BBX: variants seen among roughly 807,000 people sequenced by gnomAD.
BBX encodes BBX high mobility group box domain containing.
A neutral mutation model predicts 100.2 loss-of-function variants in BBX; 30 were observed. The observed-to-expected ratio is 0.30, with a 90% CI of 0.22 to 0.41. The LOEUF is 0.41. BBX is among the 10% of genes least tolerant of loss of function. BBX has a pLI of 1.00. For synonymous variants in BBX, 376 were observed against 388.1 expected, an observed-to-expected ratio of 0.97 and a Z score of 0.37; for missense variants, 1,023 against 1,129.8, an observed-to-expected ratio of 0.91 and a Z score of 1.35.
At chr3:107,555,217 C>T (rs1159640241) in intron 2 of BBX, among the ~76,000 whole-genome samples, 1 of 152,162 alleles carries the variant, frequency 6.6e-6, no homozygotes, top group Non-Finnish European at 1.5e-5. Context: ...TCTCTATTTG[C>T]ATGTACTTTT....
chr3:107,728,873 G>A lies in BBX; in HGVS notation c.514G>A (p.Ala172Thr), dbSNP rs779498514. 3 of 1,613,892 alleles carry A rather than the reference G, an allele frequency of 1.9e-6. No individual in the cohort carries two copies. The East Asian group carries it at 6.7e-5, about 36-fold the overall frequency. Reference protein sequence around the residue: ...PTVNPRKKLWAFPSDSSRDLP... With the variant: ...PTVNPRKKLWTFPSDSSRDLP... ...TGTCAATCCACGAAAGAAACTTTGG[G>A]CCTTCCCATCTGACTCTTCAAGAGA... The change falls in exon 6 of 18, where the codon GCC becomes ACC. Residue 172 changes from alanine to threonine, a missense_variant. Ala to Thr is a moderately conservative substitution (Grantham distance 58). This residue lies in a region of BBX where 229 missense variants were observed against 226.3 expected (regional missense o/e 1.01). Transcript: ENST00000325805.
At chr3:107,599,090 C>T (rs932693217) in intron 2 of BBX, among the ~76,000 whole-genome samples, 4 of 152,040 alleles carry the variant, frequency 2.6e-5, no homozygotes, top group Admixed American at 6.5e-5. Context: ...TGGGCTCTGG[C>T]GGGGCTGTAA....
intron 3 of BBX, among the ~76,000 whole-genome samples, chr3:107,701,290 G>A (rs963716862): frequency 6.6e-6 from 1 of 152,166 alleles, no homozygotes; most frequent in South Asian, 2.1e-4. Flanking sequence ...TCTAGGGAAC[G>A]GAAGACCTTG....
At chr3:107,697,871 C>T (rs116190746) in intron 3 of BBX, among the ~76,000 whole-genome samples, 7,486 of 151,880 alleles carry the variant, frequency 0.049, 302 homozygotes, top group Non-Finnish European at 0.062. Flanking sequence ...TACGACCCTC[C>T]GAGCCAGGTG....
intron 10 of BBX, among the ~76,000 whole-genome samples, chr3:107,764,253 A>T (rs1576690800): frequency 6.6e-6 from 1 of 152,188 alleles, no homozygotes; most frequent in East Asian, 1.9e-4. Flanking sequence ...CAGCCTCCCA[A>T]AGTGCGGGGA....
rs760637156 is a variant in BBX at position 107,710,427 on chromosome 3, TTCTC to T, written c.-9-15_-9-12del. On this transcript the variant is annotated intron_variant, in intron 3 of 17. Transcript: ENST00000325805. ...TCTCTTTCTCTCCCTGTTTCCCTGTTTCTCTCTCTCTCTTCCTATTACAGGTCAC... is the reference window on the plus strand; with the variant it reads ...TCTCTTTCTCTCCCTGTTTCCCTGTTTCTCTCTCTTCCTATTACAGGTCAC... 17 of 1,535,414 alleles carry T rather than the reference TTCTC, an allele frequency of 1.1e-5. No individual in the cohort carries two copies. In the East Asian group the frequency reaches 3.0e-4, roughly 27 times the overall value.
intron 7 of BBX, among the ~76,000 whole-genome samples, chr3:107,737,697 A>G (rs1484193531): frequency 3.3e-5 from 5 of 152,098 alleles, no homozygotes; most frequent in African/African-American, 1.2e-4. Flanking sequence ...AAGTTTTTAG[A>G]TATAGCAAAT....
Position 107,711,014 on chromosome 3 carries a change from T to G in BBX, c.162+392T>G, listed in dbSNP as rs959933289. On this transcript the variant is annotated intron_variant, in intron 4 of 17. Transcript: ENST00000325805. ...CATTGGCAGTCTTAGAACTGCTCTC[T>G]TTGTCTCTATCCGTGGCCTTCACAG... Among the ~76,000 whole-genome samples, 10 of 152,258 alleles carry G rather than the reference T, an allele frequency of 6.6e-5. 1 individual carries two copies.
chr3:107,565,763 T>TTTTTTTA (rs2050851647), intron 2 of BBX, among the ~76,000 whole-genome samples: 1 of 152,022 alleles, frequency 6.6e-6, no homozygotes. Flanking sequence ...AACCTAGTTT[T>TTTTTTTA]TTTTTTATTT....
chr3:107,637,647 T>G (rs1379460497), intron 2 of BBX, among the ~76,000 whole-genome samples: 1 of 152,162 alleles, frequency 6.6e-6, no homozygotes, highest in Non-Finnish European at 1.5e-5. Context: ...ACAGGATGTG[T>G]GATAGGGAGA....
At chr3:107,550,995 A>C (rs2049623558) in intron 2 of BBX, among the ~76,000 whole-genome samples, 1 of 152,210 alleles carries the variant, frequency 6.6e-6, no homozygotes, top group African/African-American at 2.4e-5. Context: ...CCTCAAATCA[A>C]ATTTCCTGGA....
chr3:107,693,038 T>A (rs1179287578), intron 3 of BBX, among the ~76,000 whole-genome samples: 5 of 146,122 alleles, frequency 3.4e-5, no homozygotes, highest in Admixed American at 2.7e-4. Flanking sequence ...CACTTTTTGA[T>A]GGGGTTGTTT....
intron 2 of BBX, among the ~76,000 whole-genome samples, chr3:107,559,506 G>T (rs1026436905): frequency 6.6e-6 from 1 of 152,188 alleles, no homozygotes; most frequent in African/African-American, 2.4e-5. Context: ...GAGGTGGAGG[G>T]TGATAGGAGT....
intron 13 of BBX, among the ~76,000 whole-genome samples, chr3:107,785,764 A>G (rs1396857125): frequency 2.0e-5 from 3 of 152,084 alleles, no homozygotes; most frequent in African/African-American, 7.2e-5. Context: ...CCCTAGGCAA[A>G]GGGGCAATAC....
intron 2 of BBX, among the ~76,000 whole-genome samples, chr3:107,611,841 C>T (rs1480694041): frequency 6.6e-6 from 1 of 152,116 alleles, no homozygotes; most frequent in Non-Finnish European, 1.5e-5. Context: ...CTTTCTACCT[C>T]CTCTTTAAGT....
At chr3:107,682,569 C>T (rs1417282778) in intron 3 of BBX, among the ~76,000 whole-genome samples, 3 of 152,136 alleles carry the variant, frequency 2.0e-5, no homozygotes, top group Admixed American at 2.0e-4. Flanking sequence ...TGCTCTCCCA[C>T]TAGATTCCAT....
chr3:107,559,731 T>C (rs917056258), intron 2 of BBX, among the ~76,000 whole-genome samples: 1 of 152,150 alleles, frequency 6.6e-6, no homozygotes, highest in Non-Finnish European at 1.5e-5. Context: ...TCAGTGTTAT[T>C]AGGATTAGAA....
chr3:107,560,682 C>T (rs1236076039), intron 2 of BBX, among the ~76,000 whole-genome samples: 1 of 152,102 alleles, frequency 6.6e-6, no homozygotes, highest in Non-Finnish European at 1.5e-5. Flanking sequence ...TAAAGATTTC[C>T]TAGGCCAAAA....
chr3:107,557,143 C>A (rs1167676834), intron 2 of BBX, among the ~76,000 whole-genome samples: 2 of 152,174 alleles, frequency 1.3e-5, no homozygotes, highest in Non-Finnish European at 2.9e-5. Context: ...GAATATACTA[C>A]ATGTTTTAAC....
Sources: allele counts gnomAD v4.1 joint callset (sites outside exome capture counted in the v4.1 genomes callset), GRCh38; gene constraint gnomAD v4.1.1; regional missense constraint gnomAD v4.1.1; transcripts MANE v1.5; gene names NCBI Gene and HGNC (gene_info 2026-07-23, HGNC 2026-07-21).